CA5A: variants seen among roughly 807,000 people sequenced by gnomAD.
The protein encoded by CA5A is carbonic anhydrase 5A, mitochondrial.
In CA5A, 28 loss-of-function variants were observed where a neutral mutation model predicts 37.1. The observed-to-expected ratio is 0.75, with a 90% CI of 0.56 to 1.03. The LOEUF is 1.03. CA5A is among the 50% of genes least tolerant of loss of function. CA5A has a pLI of 0.00. For synonymous variants in CA5A, 171 were observed against 158.4 expected, an observed-to-expected ratio of 1.08 and a Z score of -0.60; for missense variants, 444 against 399.9, an observed-to-expected ratio of 1.11 and a Z score of -0.94.
At chr16:87,895,878 G>C (rs529628060) in intron 5 of CA5A, among the ~76,000 whole-genome samples, 1 of 152,298 alleles carries the variant, frequency 6.6e-6, no homozygotes, top group African/African-American at 2.4e-5. Flanking sequence ...CTCACTGCAT[G>C]GTCTAGCTGG....
chr16:87,930,788 T>A (rs1353619502), intron 1 of CA5A, among the ~76,000 whole-genome samples: 2 of 151,014 alleles, frequency 1.3e-5, no homozygotes, highest in Non-Finnish European at 2.9e-5. Context: ...TGGCCCAGGC[T>A]GGAGTGCAGT....
intron 2 of CA5A, among the ~76,000 whole-genome samples, chr16:87,916,194 G>A (rs570142103): frequency 1.5e-4 from 22 of 147,200 alleles, no homozygotes; most frequent in East Asian, 9.9e-4. Context: ...AAAAACCATC[G>A]GATTGGCTGA....
intron 2 of CA5A, among the ~76,000 whole-genome samples, chr16:87,917,446 G>A (rs141642159): frequency 6.6e-5 from 10 of 152,334 alleles, no homozygotes; most frequent in African/African-American, 2.2e-4. Flanking sequence ...TCATTTTTCA[G>A]TCTTGAGGAC....
chr16:87,900,194 G>T (rs1438295379), intron 5 of CA5A, among the ~76,000 whole-genome samples: 1 of 152,164 alleles, frequency 6.6e-6, no homozygotes, highest in East Asian at 1.9e-4. Context: ...CAAGAGGTGG[G>T]ACCACCTGGT....
chr16:87,890,042 G>C lies in CA5A; in HGVS notation c.774+1757C>G, dbSNP rs1359150995. 2.6e-5 allele frequency among the ~76,000 whole-genome samples: 4 copies of C among 152,212 alleles called. No homozygotes were observed. The East Asian group carries it at 7.7e-4, about 29-fold the overall frequency. On this transcript the variant is annotated intron_variant, in intron 6 of 6. Transcript: ENST00000649794. ...TTTGTGGTCTGCACATTTGTTGACTGTGCAGCCTTTCTCCTCCCCTGGAAA... is the reference window on the plus strand; with the variant it reads ...TTTGTGGTCTGCACATTTGTTGACTCTGCAGCCTTTCTCCTCCCCTGGAAA...
chr16:87,894,075 T>C (rs1022822036), intron 5 of CA5A, among the ~76,000 whole-genome samples: 1 of 152,248 alleles, frequency 6.6e-6, no homozygotes, highest in African/African-American at 2.4e-5. Flanking sequence ...TTTGGATATA[T>C]ACCCAGAAGT....
intron 6 of CA5A, among the ~76,000 whole-genome samples, chr16:87,889,936 C>T (rs1033497601): frequency 6.6e-6 from 1 of 152,254 alleles, no homozygotes; most frequent in Admixed American, 6.5e-5. Context: ...GTTAGCCCTG[C>T]GTGATGATGC....
chr16:87,915,708 A>AG (rs1567528949), intron 2 of CA5A, among the ~76,000 whole-genome samples: 8 of 150,172 alleles, frequency 5.3e-5, no homozygotes, highest in Non-Finnish European at 7.4e-5. Context: ...AAAAAAAAAA[A>AG]AAAAAAGGAA....
intron 2 of CA5A, among the ~76,000 whole-genome samples, chr16:87,905,960 A>G (rs1428312248): frequency 6.6e-6 from 1 of 152,202 alleles, no homozygotes; most frequent in African/African-American, 2.4e-5. Flanking sequence ...CATGGCTGCC[A>G]TTCCCACGTC....
chr16:87,889,493 G>C lies in CA5A; in HGVS notation c.775-1221C>G, dbSNP rs1187902541. On this transcript the variant is annotated intron_variant, in intron 6 of 6. Transcript: ENST00000649794. ...AGGAACTAAAAGACTACTTTTTATG[G>C]CTGGATGTGGTGCCTCACGCCTGTA... Among the ~76,000 whole-genome samples, 5 of 152,148 alleles carry C rather than the reference G, an allele frequency of 3.3e-5. No individual in the cohort carries two copies. In the South Asian group the frequency reaches 1.0e-3, roughly 32 times the overall value.
chr16:87,905,582 C>T (rs1293190310), intron 2 of CA5A, among the ~76,000 whole-genome samples: 3 of 152,174 alleles, frequency 2.0e-5, no homozygotes, highest in Non-Finnish European at 1.5e-5. Flanking sequence ...TGGTCTCAAA[C>T]TCCTGATCTC....
intron 1 of CA5A, among the ~76,000 whole-genome samples, chr16:87,935,608 G>A (rs1283468277): frequency 1.3e-5 from 2 of 152,224 alleles, no homozygotes; most frequent in Non-Finnish European, 2.9e-5. Context: ...AGGCGCGGTG[G>A]CTCACGCCTG....
chr16:87,920,421 T>TGCCTCA (rs2056214511), intron 2 of CA5A, among the ~76,000 whole-genome samples: 1 of 152,140 alleles, frequency 6.6e-6, no homozygotes, highest in Non-Finnish European at 1.5e-5. Flanking sequence ...CAAGCAATTC[T>TGCCTCA]GCCTCAGCCT....
intron 2 of CA5A, among the ~76,000 whole-genome samples, chr16:87,921,160 C>G (rs747951828): frequency 6.6e-6 from 1 of 151,600 alleles, no homozygotes; most frequent in Non-Finnish European, 1.5e-5. Flanking sequence ...AACTCCTGAC[C>G]TCAAGCAATC....
downstream of CA5A, chr16:87,885,205 C>CAAA (rs753780912): frequency 5.8e-3 from 981 of 168,990 alleles, 4 homozygotes; most frequent in Middle Eastern, 0.015. Flanking sequence ...ACAACAACAA[C>CAAA]AAAAAAAAGA....
rs1291826618 is a variant in CA5A at position 87,928,756 on chromosome 16, CTTTGTTTTTTTTT to C, written c.143-1824_143-1812del. On this transcript the variant is annotated intron_variant, in intron 1 of 6. Transcript: ENST00000649794. ...ATTCTCATCTGGATTATTTTCTTTTCTTTGTTTTTTTTTTTTTTTTTTTTTTTTTTGAGACGGA... is the reference window on the plus strand; with the variant it reads ...ATTCTCATCTGGATTATTTTCTTTTCTTTTTTTTTTTTTTTTTGAGACGGA... Among the ~76,000 whole-genome samples, 3 of 108,136 alleles carry C rather than the reference CTTTGTTTTTTTTT, an allele frequency of 2.8e-5. 1 individual carries two copies. Among genetic ancestry groups the C allele is most frequent in the African/African-American group, 1.1e-4 (3 of 28,376 alleles). 70.9% of individuals were successfully genotyped at this position (108,136 alleles called of 152,430 possible). A position where few individuals can be genotyped will look rare whatever the true frequency, so the allele number is the denominator to read the frequency against.
chr16:87,882,838 A>T (rs1215713985), intron 4 of CA5A: 1 of 152,490 alleles, frequency 6.6e-6, no homozygotes, highest in East Asian at 1.9e-4. Context: ...CGACTCCTTC[A>T]ACCCAATCCT....
intron 2 of CA5A, among the ~76,000 whole-genome samples, chr16:87,925,199 C>G (rs1049592656): frequency 6.6e-6 from 1 of 152,138 alleles, no homozygotes; most frequent in Non-Finnish European, 1.5e-5. Flanking sequence ...CTTTGGGGCC[C>G]CCAGGTTTGA....
chr16:87,902,018 T>TG lies in CA5A; in HGVS notation c.556-45dup, dbSNP rs754969250. The TG allele has an allele frequency of 1.8e-3, 2,810 of 1,541,090 alleles. 8 individuals carry two copies. The highest frequency in any genetic ancestry group is 4.2e-3 in the South Asian group (376 of 89,606). ...AGGGGTTAGCTGCAAAGGCAGTGGA[T>TG]GGGGGGGGAAGCTCACTCCACTGTA... On this transcript the variant is annotated intron_variant, in intron 4 of 6. Coordinates refer to ENST00000649794, the MANE Select transcript of CA5A (RefSeq NM_001739.2).
Sources: allele counts gnomAD v4.1 joint callset (sites outside exome capture counted in the v4.1 genomes callset), GRCh38; gene constraint gnomAD v4.1.1; transcripts MANE v1.5; gene names NCBI Gene and HGNC (gene_info 2026-07-23, HGNC 2026-07-21).